Variants in LRRK1 observed in about 807,000 individuals in gnomAD.
The protein encoded by LRRK1 is leucine rich repeat kinase 1.
Under a neutral mutation model 209.1 loss-of-function variants are expected in LRRK1, and 113 were observed. The observed-to-expected ratio is 0.54, with a 90% CI of 0.46 to 0.63. LRRK1 has a LOEUF of 0.63. Among genes scored for constraint, LRRK1 ranks in the 30% least tolerant of loss-of-function variants. The pLI, the probability that LRRK1 is intolerant of heterozygous loss-of-function variation, is 0.00. For synonymous variants in LRRK1, 1,144 were observed against 1,099.7 expected (o/e 1.04, Z -0.80); for missense variants, 2,284 against 2,632.2 (o/e 0.87, Z 2.89).
chr15:101,005,368 A>G (rs2032894708), intron 6 of LRRK1, among the ~76,000 whole-genome samples: 1 of 152,176 alleles, frequency 6.6e-6, no homozygotes, highest in Admixed American at 6.5e-5. Flanking sequence ...GCATCATCTG[A>G]TCCAAGCCAC....
chr15:101,028,984 C>A lies in LRRK1; in HGVS notation c.2715C>A (p.Thr905=). The A allele has an allele frequency of 6.2e-7, 1 of 1,614,198 alleles. No homozygotes were observed. Among genetic ancestry groups the A allele is most frequent in the Non-Finnish European group, 8.5e-7 (1 of 1,180,032 alleles). The stretch of plus-strand genomic sequence containing the variant: ...TCAGCTTCCTCATAGAAACCGGCAC[C>A]CTGCTCCATTTCCCGGACACCAGCC... The part of the protein sequence containing the change: ...SAISFLIETG[T]LLHFPDTSHG... The change falls in exon 20 of 34, where the codon ACC becomes ACA. Residue 905 remains threonine (T), a synonymous_variant. Coordinates refer to ENST00000388948, the MANE Select transcript of LRRK1 (RefSeq NM_024652.6).
intron 13 of LRRK1, 81 bp downstream of exon 13, chr15:101,021,263 C>A: frequency 6.8e-7 from 1 of 1,477,674 alleles, no homozygotes; most frequent in Non-Finnish European, 9.3e-7. Context: ...AACTGGGACA[C>A]AGAAAGCCAG....
chr15:101,049,296 G>A (rs755108738), intron 22 of LRRK1: 9 of 216,292 alleles, frequency 4.2e-5, no homozygotes, highest in Admixed American at 1.2e-4. Context: ...TGCCTCTTCC[G>A]CATAGATGTT....
intron 20 of LRRK1, among the ~76,000 whole-genome samples, chr15:101,029,608 C>A (rs1226496802): frequency 6.6e-6 from 1 of 152,066 alleles, no homozygotes; most frequent in Non-Finnish European, 1.5e-5. Flanking sequence ...TGGCTCACAC[C>A]TTTAATCCCA....
chr15:100,951,966 ATAAT>A (rs1240651654), intron 2 of LRRK1, among the ~76,000 whole-genome samples: 10 of 138,840 alleles, frequency 7.2e-5, no homozygotes, highest in African/African-American at 2.5e-4. Context: ...AAAAAAAAAA[ATAAT>A]AATAATAATA....
At position 101,022,207 on chromosome 15, in the gene LRRK1, A is replaced by G. The variant is rs1258832712; in HGVS notation, c.1853-176A>G. 2 of 674,888 alleles carry G rather than the reference A, an allele frequency of 3.0e-6. No individual in the cohort carries two copies. The highest frequency in any genetic ancestry group is 3.6e-5 in the African/African-American group (2 of 55,508). 41.8% of individuals were successfully genotyped at this position (674,888 alleles called of 1,614,324 possible). On this transcript the variant is annotated intron_variant, in intron 14 of 33. Coordinates refer to ENST00000388948, the MANE Select transcript of LRRK1 (RefSeq NM_024652.6). This position sits in a 1 kb window ranked among gnomAD's most constrained non-coding sequence, Gnocchi z 4.0. ...TTTTGTCCATAGGTTCTTGCCTCTT[A>G]GAGTTCGCTTTTAGGGTGGTTAGTG...
chr15:100,954,594 TC>T (rs2042717120), intron 2 of LRRK1, among the ~76,000 whole-genome samples: 1 of 152,234 alleles, frequency 6.6e-6, no homozygotes, highest in Non-Finnish European at 1.5e-5. Context: ...GGAGATTTTT[TC>T]CTATGTTTTC....
At chr15:101,056,427 CGATGGATA>C (rs1310299478) in intron 27 of LRRK1, among the ~76,000 whole-genome samples, 1 of 149,916 alleles carries the variant, frequency 6.7e-6, no homozygotes, top group African/African-American at 2.4e-5. Context: ...AAGGATGGAT[CGATGGATA>C]GATGGATGGA....
Position 101,051,735 on chromosome 15 carries a change from G to A in LRRK1, c.3464G>A (p.Gly1155Glu). ...FPALTATESDGTPLMEQYVPC... is the reference protein window; with the variant it reads ...FPALTATESDETPLMEQYVPC... ...GCCCTGACAGCCACAGAGAGCGACG[G>A]GACGCCACTCATGGAGCAGTACGTG... Residue 1155 changes from glycine (G) to glutamate (E), a missense_variant, in exon 24 of 34, where the codon GGG becomes GAG. Physicochemically the swap from Gly to Glu is moderately conservative, Grantham distance 98. Coordinates refer to ENST00000388948, the MANE Select transcript of LRRK1 (RefSeq NM_024652.6). 1 of 1,613,886 alleles carries A rather than the reference G, an allele frequency of 6.2e-7. No homozygotes were observed.
At position 100,945,482 on chromosome 15, in the gene LRRK1, CTTTTTTTTTTTTTTT is replaced by C. The variant is rs34038990; in HGVS notation, c.97+20770_97+20784del. 1.3e-4 allele frequency among the ~76,000 whole-genome samples: 8 copies of C among 63,606 alleles called. 1 individual carries two copies. In the Middle Eastern group the frequency reaches 0.038, roughly 306 times the overall value. 41.7% of individuals were successfully genotyped at this position (63,606 alleles called of 152,430 possible). On this transcript the variant is annotated intron_variant, in intron 2 of 33. Transcript: ENST00000388948. ...TTTAAAAACTATCTCTGCAGAGCCT[CTTTTTTTTTTTTTTT>C]TTTTTTTTTTTTTTTTGACAGAGTC...
At chr15:101,036,195 C>T (rs375335391) in intron 20 of LRRK1, among the ~76,000 whole-genome samples, 23 of 152,208 alleles carry the variant, frequency 1.5e-4, no homozygotes, top group African/African-American at 5.5e-4. Flanking sequence ...CCCTTTCATT[C>T]TCTCTTCACC....
Position 101,022,570 on chromosome 15 carries a change from C to G in LRRK1, c.2040C>G (p.Leu680=), listed in dbSNP as rs893919686. 29 of 1,612,900 alleles carry G rather than the reference C, an allele frequency of 1.8e-5. No homozygotes were observed. The highest frequency in any genetic ancestry group is 2.4e-5 in the Non-Finnish European group (28 of 1,179,766). The change falls in exon 15 of 34, where the codon CTC becomes CTG. Residue 680 remains leucine, a synonymous_variant. Coordinates refer to ENST00000388948, the MANE Select transcript of LRRK1 (RefSeq NM_024652.6). This position sits in a 1 kb window ranked among gnomAD's most constrained non-coding sequence, Gnocchi z 4.0. ...EATIRTTKWE[L]QRPAGSRAKV... is the part of the protein sequence containing the mutation. Reference sequence around the variant, plus strand: ...CCATCAGGACCACCAAGTGGGAGCTCCAGAGGCCGGCTGGCTCGAGAGCCA... The same window carrying G: ...CCATCAGGACCACCAAGTGGGAGCTGCAGAGGCCGGCTGGCTCGAGAGCCA...
intron 4 of LRRK1, 121 bp downstream of exon 4, chr15:100,983,820 C>A: frequency 1.0e-6 from 1 of 989,292 alleles, no homozygotes; most frequent in Non-Finnish European, 1.6e-6. Flanking sequence ...ACAGGGTAGG[C>A]CATTGACACC....
At chr15:101,060,901 G>GC (rs2036135371) in intron 29 of LRRK1, among the ~76,000 whole-genome samples, 3 of 152,238 alleles carry the variant, frequency 2.0e-5, no homozygotes, top group Admixed American at 2.0e-4. Context: ...CGGCGGGAGG[G>GC]CCCCTCCTTC....
intron 2 of LRRK1, among the ~76,000 whole-genome samples, chr15:100,945,909 C>G (rs557035500): frequency 1.3e-5 from 2 of 152,246 alleles, no homozygotes; most frequent in South Asian, 4.2e-4. Context: ...GATGCTCTAT[C>G]AAGATCTATC....
rs921774654 is a variant in LRRK1, at chr15:101,071,031, A to G, written c.*2183A>G. On this transcript the variant is annotated 3_prime_UTR_variant, in exon 34 of 34. Transcript: ENST00000388948. ...CATGGGCAGCAATTGAATTACAAAG[A>G]AACAGACAGACCCTTAAACATCAAT... 1.3e-5 allele frequency: 2 copies of G among 152,262 alleles called. No individual in the cohort carries two copies. Among genetic ancestry groups the G allele is most frequent in the African/African-American group, 4.8e-5 (2 of 41,456 alleles). 9.4% of individuals were successfully genotyped at this position (152,262 alleles called of 1,614,324 possible).
intron 4 of LRRK1, among the ~76,000 whole-genome samples, chr15:100,987,170 C>T (rs991270398): frequency 1.3e-5 from 2 of 152,182 alleles, no homozygotes; most frequent in African/African-American, 2.4e-5. Context: ...CCAGCCTCAG[C>T]CCTATGCTAC....
chr15:101,013,668 G>A (rs141440097), intron 10 of LRRK1, among the ~76,000 whole-genome samples: 209 of 152,278 alleles, frequency 1.4e-3, no homozygotes, highest in Non-Finnish European at 2.6e-3. Context: ...CGTGTTACAG[G>A]TGCAAGGTAG....
At chr15:100,991,014 G>C (rs998386201) in intron 6 of LRRK1, among the ~76,000 whole-genome samples, 7 of 152,110 alleles carry the variant, frequency 4.6e-5, no homozygotes, top group Non-Finnish European at 1.0e-4. Context: ...TATTGTATGA[G>C]GGAAGTGGCA....
Sources: gnomAD v4.1 joint callset for allele counts (sites outside exome capture counted in the v4.1 genomes callset) on GRCh38, gnomAD v4.1.1 for gene constraint, Gnocchi (gnomAD v3.1) non-coding constraint, MANE v1.5 for transcripts, NCBI Gene and HGNC (gene_info 2026-07-23, HGNC 2026-07-21) for gene names.